Variants in GXYLT2 observed in about 807,000 individuals in gnomAD.
GXYLT2 encodes glycosyltransferase 8 domain containing 4.
Under a neutral mutation model 45.8 loss-of-function variants are expected in GXYLT2, and 53 were observed. The observed-to-expected ratio is 1.16, with a 90% CI of 0.93 to 1.46. The LOEUF is 1.46. Ranked by LOEUF, GXYLT2 falls within the 40% of genes most tolerant of loss-of-function variation. The pLI is 0.00. For synonymous variants in GXYLT2, 219 were observed against 214.2 expected (o/e 1.02, Z -0.19); for missense variants, 551 against 544.4 (o/e 1.01, Z -0.12).
At chr3:72,963,174 A>T (rs1217457621) in intron 5 of GXYLT2, among the ~76,000 whole-genome samples, 1 of 152,064 alleles carries the variant, frequency 6.6e-6, no homozygotes, top group Admixed American at 6.6e-5. Flanking sequence ...CATAAAAAAT[A>T]AAAATAAAAA....
chr3:72,970,267 C>T (rs959454431), intron 6 of GXYLT2, among the ~76,000 whole-genome samples: 45 of 152,060 alleles, frequency 3.0e-4, no homozygotes, highest in African/African-American at 1.0e-3. Context: ...AGGTGAATTG[C>T]TTGAACCTGG....
Position 72,902,590 on chromosome 3 carries a change from A to G in GXYLT2, c.276-5777A>G, listed in dbSNP as rs116419314. ...AGTGGCTCACGCCTGTAATCCCAAT[A>G]CTTTGATAGGCCAAGGTGGGAGGAT... On this transcript the variant is annotated intron_variant, in intron 1 of 6. Transcript: ENST00000389617. Among the ~76,000 whole-genome samples, 869 of 152,270 alleles carry G rather than the reference A, an allele frequency of 5.7e-3. 10 individuals carry two copies. The highest frequency in any genetic ancestry group is 0.02 in the African/African-American group (825 of 41,546).
chr3:72,965,287 A>T (rs916308745), intron 5 of GXYLT2, among the ~76,000 whole-genome samples: 1 of 152,196 alleles, frequency 6.6e-6, no homozygotes, highest in Non-Finnish European at 1.5e-5. Flanking sequence ...GGTGACAATC[A>T]CTTCATTATT....
intron 2 of GXYLT2, among the ~76,000 whole-genome samples, chr3:72,911,251 T>C (rs528986225): frequency 1.7e-4 from 26 of 151,972 alleles, no homozygotes; most frequent in African/African-American, 6.3e-4. Context: ...GATTGTGCCA[T>C]TGCACTCTAG....
At chr3:72,900,813 T>C (rs1179716958) in intron 1 of GXYLT2, among the ~76,000 whole-genome samples, 1 of 138,658 alleles carries the variant, frequency 7.2e-6, no homozygotes, top group African/African-American at 2.6e-5. Context: ...TTAATGTATT[T>C]ATTTATTTAA....
intron 2 of GXYLT2, among the ~76,000 whole-genome samples, chr3:72,910,303 T>C (rs1709592191): frequency 6.6e-6 from 1 of 152,112 alleles, no homozygotes; most frequent in African/African-American, 2.4e-5. Flanking sequence ...AGGGTTCAGG[T>C]CAAGTTTATG....
At chr3:72,916,844 A>G (rs575395625) in intron 2 of GXYLT2, among the ~76,000 whole-genome samples, 7 of 151,744 alleles carry the variant, frequency 4.6e-5, no homozygotes, top group South Asian at 2.1e-4. Flanking sequence ...TAACAGCTTC[A>G]TTGTATCTAG....
intron 1 of GXYLT2, among the ~76,000 whole-genome samples, chr3:72,896,167 A>AT (rs1232113087): frequency 1.3e-5 from 2 of 152,260 alleles, no homozygotes; most frequent in African/African-American, 4.8e-5. Context: ...GGTCCTCAGC[A>AT]AATTGTGGCT....
intron 2 of GXYLT2, among the ~76,000 whole-genome samples, chr3:72,913,984 G>C (rs2107088655): frequency 6.6e-6 from 1 of 152,232 alleles, no homozygotes; most frequent in South Asian, 2.1e-4. Flanking sequence ...TAAAGAAATA[G>C]AACAGCCGTT....
intron 5 of GXYLT2, among the ~76,000 whole-genome samples, chr3:72,957,956 T>C (rs1559749429): frequency 6.6e-6 from 1 of 152,162 alleles, no homozygotes; most frequent in Non-Finnish European, 1.5e-5. Context: ...TCCTCTTCCT[T>C]GTTAAAACTT....
intron 1 of GXYLT2, among the ~76,000 whole-genome samples, chr3:72,898,164 T>C (rs1447668352): frequency 6.6e-6 from 1 of 152,156 alleles, no homozygotes; most frequent in East Asian, 1.9e-4. Flanking sequence ...CAATTTAAAG[T>C]ATATAAATTA....
intron 2 of GXYLT2, among the ~76,000 whole-genome samples, chr3:72,915,359 G>GT (rs1709719104): frequency 8.4e-6 from 1 of 118,730 alleles, no homozygotes; most frequent in African/African-American, 4.7e-5. Flanking sequence ...TTTTTTGCGG[G>GT]GGGGGGGGGG....
intron 3 of GXYLT2, among the ~76,000 whole-genome samples, chr3:72,933,344 C>T (rs1710080150): frequency 6.6e-6 from 1 of 152,152 alleles, no homozygotes; most frequent in African/African-American, 2.4e-5. Flanking sequence ...TAATTAGCAT[C>T]ATAGTATTAG....
intron 3 of GXYLT2, among the ~76,000 whole-genome samples, chr3:72,936,374 GCCAGCACAGTGGCT>G (rs1710178516): frequency 6.6e-6 from 1 of 151,228 alleles, no homozygotes; most frequent in Non-Finnish European, 1.5e-5. Flanking sequence ...TAGAAAACTG[GCCAGCACAGTGGCT>G]CATGCCTATA....
At chr3:72,937,161 C>T (rs1187013700) in intron 3 of GXYLT2, among the ~76,000 whole-genome samples, 2 of 152,010 alleles carry the variant, frequency 1.3e-5, no homozygotes, top group South Asian at 2.1e-4. Flanking sequence ...GAGGAATAAC[C>T]CACCAGTGAC....
chr3:72,891,321 G>A (rs965066125), intron 1 of GXYLT2, among the ~76,000 whole-genome samples: 9 of 152,090 alleles, frequency 5.9e-5, no homozygotes, highest in South Asian at 2.1e-4. Flanking sequence ...GTGCTGCCTC[G>A]CCTCCCACAG....
chr3:72,933,303 A>AT (rs1373248748), intron 3 of GXYLT2, among the ~76,000 whole-genome samples: 1 of 152,200 alleles, frequency 6.6e-6, no homozygotes, highest in Non-Finnish European at 1.5e-5. Context: ...CATCAGTCAC[A>AT]TTGTAGGGAA....
chr3:72,921,464 G>A (rs890438178), intron 2 of GXYLT2, among the ~76,000 whole-genome samples: 3 of 151,594 alleles, frequency 2.0e-5, no homozygotes, highest in African/African-American at 7.3e-5. Context: ...ACACAGTCTC[G>A]CTCTGTCACC....
chr3:72,905,510 A>G (rs557900745), intron 1 of GXYLT2, among the ~76,000 whole-genome samples: 1 of 152,256 alleles, frequency 6.6e-6, no homozygotes, highest in East Asian at 1.9e-4. Context: ...CATAGCAAAT[A>G]TATTCACTTT....
Sources: allele counts gnomAD v4.1 joint callset (sites outside exome capture counted in the v4.1 genomes callset), GRCh38; gene constraint gnomAD v4.1.1; transcripts MANE v1.5; gene names NCBI Gene and HGNC (gene_info 2026-07-23, HGNC 2026-07-21).